The following PDSS2 variants were observed in gnomAD, a reference collection of about 807,000 sequenced individuals.
The protein encoded by PDSS2 is all trans-polyprenyl-diphosphate synthase PDSS2.
Under a neutral mutation model 44.5 loss-of-function variants are expected in PDSS2, and 31 were observed. The observed-to-expected ratio is 0.70, with a 90% CI of 0.52 to 0.94. The LOEUF is 0.94. Among genes scored for constraint, PDSS2 ranks in the 40% least tolerant of loss-of-function variants. The pLI, the probability that PDSS2 is intolerant of heterozygous loss-of-function variation, is 0.00. For synonymous variants in PDSS2, 157 were observed against 180.3 expected (o/e 0.87, Z 1.03); for missense variants, 452 against 482.2 (o/e 0.94, Z 0.59).
intron 1 of PDSS2, among the ~76,000 whole-genome samples, chr6:107,427,625 T>C (rs1781047412): frequency 6.6e-6 from 1 of 152,238 alleles, no homozygotes. Flanking sequence ...TTTTGGTTTT[T>C]GGTTAAGGGG....
At chr6:107,186,623 C>T (rs1206910337) in intron 7 of PDSS2, among the ~76,000 whole-genome samples, 2 of 152,142 alleles carry the variant, frequency 1.3e-5, no homozygotes, top group Non-Finnish European at 2.9e-5. Flanking sequence ...CCCTACCCCC[C>T]AACAGGCCCT....
intron 1 of PDSS2, among the ~76,000 whole-genome samples, chr6:107,346,654 C>T (rs560383598): frequency 3.3e-5 from 5 of 152,182 alleles, no homozygotes; most frequent in Admixed American, 3.3e-4. Context: ...ATCCAATAAG[C>T]GAGAGACCTG....
At chr6:107,307,684 C>T (rs1776906554) in intron 2 of PDSS2, among the ~76,000 whole-genome samples, 1 of 152,140 alleles carries the variant, frequency 6.6e-6, no homozygotes, top group Non-Finnish European at 1.5e-5. Flanking sequence ...TATATTTCCA[C>T]ATTTAATCAT....
chr6:107,195,235 C>A (rs549105535), intron 6 of PDSS2, among the ~76,000 whole-genome samples: 1 of 152,172 alleles, frequency 6.6e-6, no homozygotes, highest in South Asian at 2.1e-4. Flanking sequence ...AATCCCAGCA[C>A]CTTGGGAGGC....
chr6:107,360,589 T>C (rs1276417263), intron 1 of PDSS2, among the ~76,000 whole-genome samples: 4 of 150,516 alleles, frequency 2.7e-5, no homozygotes, highest in African/African-American at 4.9e-5. Context: ...AAAAAACATC[T>C]GGATAACTGA....
intron 3 of PDSS2, chr6:107,264,516 C>T (rs1177254926): frequency 2.0e-6 from 3 of 1,490,010 alleles, no homozygotes; most frequent in East Asian, 4.9e-5. Flanking sequence ...AAAATGACTA[C>T]AAAGAAAAAA....
chr6:107,285,163 C>A (rs1776099283), intron 2 of PDSS2, among the ~76,000 whole-genome samples: 1 of 152,078 alleles, frequency 6.6e-6, no homozygotes. Context: ...AAATGATAGG[C>A]AAGAGTCATC....
At chr6:107,425,143 T>G (rs779611068) in intron 1 of PDSS2, among the ~76,000 whole-genome samples, 1 of 152,216 alleles carries the variant, frequency 6.6e-6, no homozygotes, top group Non-Finnish European at 1.5e-5. Flanking sequence ...CATGTGGAAC[T>G]GTAAGTCCAT....
chr6:107,232,486 G>T (rs1774084974), intron 4 of PDSS2, among the ~76,000 whole-genome samples: 1 of 152,132 alleles, frequency 6.6e-6, no homozygotes, highest in African/African-American at 2.4e-5. Context: ...TTGTCATTCA[G>T]ATCTCAACTT....
intron 2 of PDSS2, among the ~76,000 whole-genome samples, chr6:107,303,737 G>A (rs145947017): frequency 6.6e-6 from 1 of 152,254 alleles, no homozygotes; most frequent in East Asian, 1.9e-4. Context: ...TTTAGGTCAT[G>A]TCCTATTCTC....
chr6:107,300,338 C>T (rs1258688278), intron 2 of PDSS2, among the ~76,000 whole-genome samples: 1 of 152,094 alleles, frequency 6.6e-6, no homozygotes, highest in Non-Finnish European at 1.5e-5. Context: ...CCTACTACGC[C>T]CCAATTCAGC....
Position 107,302,520 on chromosome 6 carries a change from G to A in PDSS2, c.432-28293C>T, listed in dbSNP as rs9486582. On this transcript the variant is annotated intron_variant, in intron 2 of 7. Transcript: ENST00000369037. ...TGGTGTCAAACCATCCTCCTGCCTC[G>A]GCCTTTCTAAACGCTGAGATTACAG... Among the ~76,000 whole-genome samples the A allele has an allele frequency of 3.8e-3, 573 of 151,924 alleles. 1 individual carries two copies. Among genetic ancestry groups the A allele is most frequent in the African/African-American group, 0.011 (466 of 41,442 alleles).
intron 2 of PDSS2, among the ~76,000 whole-genome samples, chr6:107,314,006 AGTCCCAGC>A (rs1777127695): frequency 6.6e-6 from 1 of 152,072 alleles, no homozygotes; most frequent in Admixed American, 6.6e-5. Context: ...TAGCACTTGT[AGTCCCAGC>A]TACTAGGGAG....
At chr6:107,181,780 C>T (rs769146288) in intron 7 of PDSS2, among the ~76,000 whole-genome samples, 1 of 150,848 alleles carries the variant, frequency 6.6e-6, no homozygotes, top group Non-Finnish European at 1.5e-5. Context: ...ATCCAAGCTA[C>T]TCAGGAGGCT....
intron 7 of PDSS2, among the ~76,000 whole-genome samples, chr6:107,167,578 A>T (rs1221227953): frequency 9.2e-5 from 14 of 152,074 alleles, no homozygotes; most frequent in Non-Finnish European, 4.4e-5. Context: ...TTAGGGTGTC[A>T]ATTTGAGATC....
Position 107,241,626 on chromosome 6 carries a change from G to A in PDSS2, c.702+3922C>T, listed in dbSNP as rs571904543. ...CTCCCGAAGTGCTGGGATTACAGGC[G>A]TAAGCCACCGCACCCGGCTGCTCTA... On this transcript the variant is annotated intron_variant, in intron 4 of 7. Coordinates refer to ENST00000369037, the MANE Select transcript of PDSS2 (RefSeq NM_020381.4). Among the ~76,000 whole-genome samples, 5 of 152,266 alleles carry A rather than the reference G, an allele frequency of 3.3e-5. No individual in the cohort carries two copies. In the South Asian group the frequency reaches 8.3e-4, roughly 25 times the overall value.
intron 4 of PDSS2, among the ~76,000 whole-genome samples, chr6:107,239,006 T>C (rs781377161): frequency 6.6e-6 from 1 of 152,154 alleles, no homozygotes; most frequent in Non-Finnish European, 1.5e-5. Flanking sequence ...GGCCAGGCAC[T>C]GTGGCTCACG....
At chr6:107,455,212 T>G (rs1481843825) in intron 1 of PDSS2, among the ~76,000 whole-genome samples, 1 of 148,650 alleles carries the variant, frequency 6.7e-6, no homozygotes, top group African/African-American at 2.5e-5. Flanking sequence ...TCTCACAAAC[T>G]TTCATCTAGG....
At chr6:107,329,792 T>C (rs554518172) in intron 2 of PDSS2, among the ~76,000 whole-genome samples, 72 of 152,212 alleles carry the variant, frequency 4.7e-4, no homozygotes, top group African/African-American at 1.6e-3. Context: ...TTAATTACAA[T>C]GTTGGTACTG....
Sources: allele counts gnomAD v4.1 joint callset (sites outside exome capture counted in the v4.1 genomes callset), GRCh38; gene constraint gnomAD v4.1.1; transcripts MANE v1.5; gene names NCBI Gene and HGNC (gene_info 2026-07-23, HGNC 2026-07-21).